Variants in TLE4 observed in about 807,000 individuals in gnomAD.
The protein encoded by TLE4 is transducin-like enhancer protein 4.
In TLE4, 8 loss-of-function variants were observed where a neutral mutation model predicts 92.8. That is an observed-to-expected ratio of 0.09 (90% CI 0.05 to 0.16). The LOEUF is 0.16. Ranked by LOEUF, TLE4 falls within the 10% of genes least tolerant of loss-of-function variation. TLE4 has a pLI of 1.00. For missense variants in TLE4, 675 were observed against 997.6 expected, an observed-to-expected ratio of 0.68 and a Z score of 4.36; for synonymous variants, 371 against 374.1, an observed-to-expected ratio of 0.99 and a Z score of 0.10.
chr9:79,585,776 A>T (rs894234806), intron 4 of TLE4, among the ~76,000 whole-genome samples: 24 of 152,026 alleles, frequency 1.6e-4, no homozygotes, highest in Non-Finnish European at 2.8e-4. Flanking sequence ...TACTATTAAT[A>T]CTTTATTTTT....
intron 8 of TLE4, among the ~76,000 whole-genome samples, chr9:79,659,901 A>G (rs2060286118): frequency 6.6e-6 from 1 of 152,202 alleles, no homozygotes; most frequent in African/African-American, 2.4e-5. Flanking sequence ...CTGTGTTTCA[A>G]GGTTAAAGAA....
chr9:79,694,870 C>G (rs1016422304), intron 8 of TLE4, among the ~76,000 whole-genome samples: 15 of 151,926 alleles, frequency 9.9e-5, no homozygotes, highest in Admixed American at 9.2e-4. Context: ...TCCCCAGGGT[C>G]ACTATTCTCT....
intron 4 of TLE4, among the ~76,000 whole-genome samples, chr9:79,585,020 C>T (rs769826505): frequency 5.9e-5 from 9 of 152,080 alleles, no homozygotes; most frequent in African/African-American, 1.2e-4. Context: ...GGAGCAATAT[C>T]GATCTTGACT....
At chr9:79,684,315 T>G (rs1478586144) in intron 8 of TLE4, among the ~76,000 whole-genome samples, 1 of 152,150 alleles carries the variant, frequency 6.6e-6, no homozygotes, top group Non-Finnish European at 1.5e-5. Flanking sequence ...CCCCAGGCCA[T>G]AGACCGGTAC....
At chr9:79,664,859 T>C (rs1475125892) in intron 8 of TLE4, among the ~76,000 whole-genome samples, 1 of 152,210 alleles carries the variant, frequency 6.6e-6, no homozygotes, top group Non-Finnish European at 1.5e-5. Context: ...TTCCCTTCTC[T>C]TTTCTTCCTT....
intron 3 of TLE4, chr9:79,575,849 CTT>C (rs937503334): frequency 1.1e-5 from 3 of 273,128 alleles, no homozygotes; most frequent in Non-Finnish European, 2.0e-5. Flanking sequence ...TTTCATCAGA[CTT>C]TTTTGATGCA....
intron 4 of TLE4, among the ~76,000 whole-genome samples, chr9:79,582,982 A>G (rs1159848745): frequency 6.6e-6 from 1 of 152,200 alleles, no homozygotes; most frequent in Non-Finnish European, 1.5e-5. Context: ...TACTGCGAAC[A>G]GTTTATGAAA....
At chr9:79,654,230 ATTTTTT>A (rs35639126) in intron 8 of TLE4, among the ~76,000 whole-genome samples, 155 bp downstream of exon 8, 1 of 131,266 alleles carries the variant, frequency 7.6e-6, no homozygotes, top group Non-Finnish European at 1.7e-5. Flanking sequence ...TGTGTGGTTG[ATTTTTT>A]TTTTTTTTTT....
chr9:79,576,121 C>G lies in TLE4; in HGVS notation c.208-12C>G. ...AAAGTCATGCATTTAATTGCTTTTC[C>G]TTCTTTGACAGTATTATGAAATGTC... On this transcript the variant is annotated splice_polypyrimidine_tract_variant and intron_variant, in intron 3 of 19. Coordinates refer to ENST00000376552, the MANE Select transcript of TLE4 (RefSeq NM_007005.6). The G allele has an allele frequency of 2.1e-6, 3 of 1,460,160 alleles. No homozygotes were observed. The highest frequency in any genetic ancestry group is 1.8e-4 in the Middle Eastern group (1 of 5,516). The allele number at this position is 1,460,160 out of a possible 1,614,324, so 90.5% of individuals were successfully genotyped here.
intron 4 of TLE4, among the ~76,000 whole-genome samples, chr9:79,606,944 C>A (rs1339125802): frequency 1.3e-5 from 2 of 152,092 alleles, no homozygotes; most frequent in Non-Finnish European, 2.9e-5. Flanking sequence ...TCCTTGAGGA[C>A]TCGCCACACT....
intron 6 of TLE4, among the ~76,000 whole-genome samples, chr9:79,629,654 C>A (rs1232902824): frequency 6.6e-6 from 1 of 152,150 alleles, no homozygotes; most frequent in South Asian, 2.1e-4. Flanking sequence ...CTCTTGGTAT[C>A]TGAGCAGAAA....
chr9:79,723,995 T>G (rs1274567164), intron 19 of TLE4, among the ~76,000 whole-genome samples: 2 of 152,242 alleles, frequency 1.3e-5, no homozygotes, highest in Non-Finnish European at 2.9e-5. Context: ...GTTTTCATTT[T>G]AAATGAGCAC....
chr9:79,601,892 C>T (rs1416620370), intron 4 of TLE4, among the ~76,000 whole-genome samples: 2 of 152,066 alleles, frequency 1.3e-5, no homozygotes, highest in African/African-American at 2.4e-5. Context: ...TGCGTTGTGC[C>T]CAACAGCCAA....
At chr9:79,723,588 C>G (rs2075980980) in intron 19 of TLE4, among the ~76,000 whole-genome samples, 1 of 152,160 alleles carries the variant, frequency 6.6e-6, no homozygotes, top group Admixed American at 6.5e-5. Context: ...CACACACGCT[C>G]TCCTCCTCTC....
intron 5 of TLE4, among the ~76,000 whole-genome samples, chr9:79,622,784 C>T (rs1043215988): frequency 3.3e-5 from 5 of 152,266 alleles, no homozygotes; most frequent in African/African-American, 1.2e-4. Context: ...TTCCCAGATG[C>T]CGCGGGAAGT....
At chr9:79,574,616 A>T (rs1399698914) in intron 2 of TLE4, among the ~76,000 whole-genome samples, 1 of 152,154 alleles carries the variant, frequency 6.6e-6, no homozygotes, top group African/African-American at 2.4e-5. Context: ...AATTAAACTG[A>T]TTAGAGGATT....
chr9:79,646,139 C>T (rs1358204274), intron 6 of TLE4, among the ~76,000 whole-genome samples: 2 of 151,870 alleles, frequency 1.3e-5, no homozygotes, highest in African/African-American at 4.8e-5. Flanking sequence ...CGTAACAAAT[C>T]TGTGTTATAC....
chr9:79,707,456 G>A (rs771134344), intron 11 of TLE4, among the ~76,000 whole-genome samples: 11 of 152,128 alleles, frequency 7.2e-5, no homozygotes, highest in Non-Finnish European at 1.5e-4. Flanking sequence ...TTTGTGTGGT[G>A]TGTCTTTTTT....
intron 5 of TLE4, among the ~76,000 whole-genome samples, chr9:79,621,487 G>T (rs1209452693): frequency 1.3e-5 from 2 of 152,160 alleles, no homozygotes; most frequent in African/African-American, 4.8e-5. Context: ...TTAATGGCAG[G>T]GTAGATTTCA....
Sources: allele counts gnomAD v4.1 joint callset (sites outside exome capture counted in the v4.1 genomes callset), GRCh38; gene constraint gnomAD v4.1.1; transcripts MANE v1.5; gene names NCBI Gene and HGNC (gene_info 2026-07-23, HGNC 2026-07-21).